The following WWOX variants were observed in gnomAD, a reference collection of about 807,000 sequenced individuals.
WWOX encodes the protein WW domain-containing oxidoreductase.
Under a neutral mutation model 46.2 loss-of-function variants are expected in WWOX, and 69 were observed. The observed-to-expected ratio is 1.49, with a 90% CI of 1.23 to 1.82. WWOX has a LOEUF of 1.82. Among genes scored for constraint, WWOX ranks in the 40% most tolerant of loss-of-function variants. The probability of loss-of-function intolerance (pLI) is 0.00; values close to 1 mark genes in which losing one functional copy is unlikely to be tolerated. For missense variants in WWOX, 919 were observed against 542.6 expected, an observed-to-expected ratio of 1.69 and a Z score of -6.89; for synonymous variants, 359 against 202.6, an observed-to-expected ratio of 1.77 and a Z score of -6.56.
chr16:78,618,399 A>G (rs1344607895), intron 8 of WWOX, among the ~76,000 whole-genome samples: 1 of 152,142 alleles, frequency 6.6e-6, no homozygotes, highest in East Asian at 1.9e-4. Context: ...TTCTCTCTGT[A>G]CCATTGTCCC....
At chr16:78,577,054 C>T (rs558321582) in intron 8 of WWOX, among the ~76,000 whole-genome samples, 1 of 152,182 alleles carries the variant, frequency 6.6e-6, no homozygotes, top group Non-Finnish European at 1.5e-5. Context: ...TCACCCATCT[C>T]ATTCTATAGC....
intron 8 of WWOX, among the ~76,000 whole-genome samples, chr16:78,638,629 A>C (rs1306932172): frequency 5.3e-5 from 8 of 152,122 alleles, no homozygotes; most frequent in Non-Finnish European, 4.4e-5. Flanking sequence ...TGACTTTTCC[A>C]TGGTGCCCCA....
At chr16:78,751,507 A>G (rs1028651265) in intron 8 of WWOX, among the ~76,000 whole-genome samples, 2 of 145,830 alleles carry the variant, frequency 1.4e-5, no homozygotes, top group Non-Finnish European at 3.0e-5. Flanking sequence ...TTGTATATAA[A>G]TATACATGTA....
At chr16:78,929,059 A>C (rs556781751) in intron 8 of WWOX, among the ~76,000 whole-genome samples, 1 of 152,186 alleles carries the variant, frequency 6.6e-6, no homozygotes, top group African/African-American at 2.4e-5. Context: ...TTTTGCCTTC[A>C]AATCATTGCA....
intron 5 of WWOX, among the ~76,000 whole-genome samples, chr16:78,379,964 G>A (rs546714839): frequency 6.6e-6 from 1 of 152,268 alleles, no homozygotes; most frequent in African/African-American, 2.4e-5. Flanking sequence ...ATTGAATCTG[G>A]AAAACGCATT....
At chr16:78,728,882 A>T (rs1282333930) in intron 8 of WWOX, among the ~76,000 whole-genome samples, 2 of 152,336 alleles carry the variant, frequency 1.3e-5, no homozygotes, top group African/African-American at 4.8e-5. Flanking sequence ...AGGTCACAAG[A>T]ATAACAAACT....
intron 8 of WWOX, among the ~76,000 whole-genome samples, chr16:78,989,866 G>C (rs1314899590): frequency 1.3e-5 from 2 of 150,122 alleles, no homozygotes; most frequent in African/African-American, 4.9e-5. Flanking sequence ...GATTGAGAGA[G>C]AGAGAGACAG....
At chr16:78,622,213 C>T (rs186390624) in intron 8 of WWOX, among the ~76,000 whole-genome samples, 9 of 152,176 alleles carry the variant, frequency 5.9e-5, no homozygotes, top group East Asian at 5.8e-4. Flanking sequence ...TTTCTAAGCT[C>T]GTGATTAAAT....
chr16:78,902,605 T>C (rs2044857880), intron 8 of WWOX, among the ~76,000 whole-genome samples: 2 of 152,332 alleles, frequency 1.3e-5, no homozygotes, highest in South Asian at 2.1e-4. Context: ...TTCCCAGTTT[T>C]CTCTTCTGCT....
chr16:78,558,420 G>A (rs1173252927), intron 8 of WWOX, among the ~76,000 whole-genome samples: 1 of 152,208 alleles, frequency 6.6e-6, no homozygotes, highest in African/African-American at 2.4e-5. Context: ...GGGATTTCCT[G>A]CTTATCTCGA....
intron 5 of WWOX, among the ~76,000 whole-genome samples, chr16:78,316,987 T>C (rs1370796209): frequency 6.6e-6 from 1 of 152,220 alleles, no homozygotes; most frequent in African/African-American, 2.4e-5. Context: ...ATGCTGGAAG[T>C]GCAAAGATGA....
chr16:78,257,823 G>T (rs527782231), intron 5 of WWOX, among the ~76,000 whole-genome samples: 7 of 152,252 alleles, frequency 4.6e-5, no homozygotes, highest in Admixed American at 4.6e-4. Context: ...CTTAGATTCT[G>T]GTACTATCTC....
intron 4 of WWOX, among the ~76,000 whole-genome samples, chr16:78,162,666 C>T (rs1167945865): frequency 1.3e-5 from 2 of 152,042 alleles, no homozygotes; most frequent in East Asian, 3.9e-4. Flanking sequence ...CATTATCAGC[C>T]ATTCTGTCTT....
intron 8 of WWOX, among the ~76,000 whole-genome samples, chr16:78,526,711 C>T (rs9924476): frequency 0.047 from 7,216 of 152,248 alleles, 410 homozygotes; most frequent in African/African-American, 0.14. Flanking sequence ...CTTTGCTGAC[C>T]TGTGACCATC....
chr16:79,162,865 C>G (rs374307814), intron 8 of WWOX, among the ~76,000 whole-genome samples: 1 of 152,178 alleles, frequency 6.6e-6, no homozygotes, highest in South Asian at 2.1e-4. Context: ...GCTTCTAAGC[C>G]AAAGCAAAGG....
chr16:78,742,516 G>C (rs982480644), intron 8 of WWOX, among the ~76,000 whole-genome samples: 24 of 152,324 alleles, frequency 1.6e-4, no homozygotes, highest in Non-Finnish European at 2.2e-4. Flanking sequence ...GTATGTACTA[G>C]GTGCCCTAGA....
In WWOX at chr16:78,242,829, G is replaced by A. The variant is rs1177504085; in HGVS notation, c.516+78540G>A. ...TCGAGACCAGCCTGGCCAACATGGT[G>A]AAACCCTATCTCTACTAAAAATAAC... On this transcript the variant is annotated intron_variant, in intron 5 of 8. Transcript: ENST00000566780. Among the ~76,000 whole-genome samples, 6 of 152,134 alleles carry A rather than the reference G, an allele frequency of 3.9e-5. 1 individual carries two copies. The highest frequency in any genetic ancestry group is 9.7e-5 in the African/African-American group (4 of 41,436).
chr16:79,094,265 T>C (rs2049024114), intron 8 of WWOX, among the ~76,000 whole-genome samples: 1 of 151,856 alleles, frequency 6.6e-6, no homozygotes, highest in Non-Finnish European at 1.5e-5. Flanking sequence ...TTTTTCTTTT[T>C]TTCTTTGATA....
intron 8 of WWOX, among the ~76,000 whole-genome samples, chr16:78,599,476 C>T (rs1023801691): frequency 2.6e-5 from 4 of 152,222 alleles, no homozygotes; most frequent in Non-Finnish European, 5.9e-5. Context: ...GGCAGCCCCT[C>T]TGACTGGTGT....
Sources: allele counts gnomAD v4.1 joint callset (sites outside exome capture counted in the v4.1 genomes callset), GRCh38; gene constraint gnomAD v4.1.1; transcripts MANE v1.5; gene names NCBI Gene and HGNC (gene_info 2026-07-23, HGNC 2026-07-21).